The following ECT2L variants were observed in gnomAD, a reference collection of about 807,000 sequenced individuals.
ECT2L encodes the protein epithelial cell transforming 2 like, also known as epithelial cell-transforming sequence 2 oncogene-like.
In ECT2L, 126 loss-of-function variants were observed where a neutral mutation model predicts 122.8. That is an observed-to-expected ratio of 1.03 (90% CI 0.89 to 1.19). The LOEUF (loss-of-function observed/expected upper bound fraction) is 1.19, where lower values mean the gene tolerates loss of function less well. Ranked by LOEUF, ECT2L falls within the 50% of genes most tolerant of loss-of-function variation. The pLI is 0.00. For missense variants in ECT2L, 1,012 were observed against 1,064.1 expected, an observed-to-expected ratio of 0.95 and a Z score of 0.68; for synonymous variants, 385 against 381.8, an observed-to-expected ratio of 1.01 and a Z score of -0.10.
At chr6:138,818,804 A>C (rs1261007427) in intron 4 of ECT2L, among the ~76,000 whole-genome samples, 1 of 152,086 alleles carries the variant, frequency 6.6e-6, no homozygotes, top group Non-Finnish European at 1.5e-5. Context: ...CTCGCTGATG[A>C]CAGGCCAGGG....
chr6:138,850,740 G>A (rs183870003), intron 9 of ECT2L, among the ~76,000 whole-genome samples: 151 of 151,992 alleles, frequency 9.9e-4, no homozygotes, highest in African/African-American at 3.4e-3. Flanking sequence ...AGTGGCTCAC[G>A]CCTATAATCC....
At chr6:138,835,721 A>G (rs148322527) in intron 4 of ECT2L, among the ~76,000 whole-genome samples, 1 of 152,132 alleles carries the variant, frequency 6.6e-6, no homozygotes, top group East Asian at 1.9e-4. Flanking sequence ...ATCAAAGTAC[A>G]TCCAGCATTA....
At chr6:138,897,717 G>A (rs1312798910) in intron 20 of ECT2L, among the ~76,000 whole-genome samples, 2 of 152,130 alleles carry the variant, frequency 1.3e-5, no homozygotes, top group African/African-American at 4.8e-5. Context: ...ACCTCATTGT[G>A]TGTTTCTTTC....
At chr6:138,843,416 T>C (rs954157095) in intron 6 of ECT2L, among the ~76,000 whole-genome samples, 185 bp downstream of exon 6, 2 of 152,146 alleles carry the variant, frequency 1.3e-5, no homozygotes, top group African/African-American at 4.8e-5. Flanking sequence ...AAAACAAAGA[T>C]TTCAGACAAA....
chr6:138,887,975 T>A (rs1293961150), intron 19 of ECT2L, among the ~76,000 whole-genome samples: 2 of 152,238 alleles, frequency 1.3e-5, no homozygotes, highest in East Asian at 3.8e-4. Flanking sequence ...AGCTCCATCA[T>A]GTGTGAGCTA....
intron 18 of ECT2L, among the ~76,000 whole-genome samples, chr6:138,886,034 G>GT (rs1006014413): frequency 9.2e-5 from 14 of 151,816 alleles, no homozygotes; most frequent in Non-Finnish European, 1.9e-4. Flanking sequence ...ATGAGACAAT[G>GT]TTTTCAGATA....
At chr6:138,848,328 G>C (rs145761075) in intron 8 of ECT2L, among the ~76,000 whole-genome samples, 7 of 152,224 alleles carry the variant, frequency 4.6e-5, no homozygotes, top group Non-Finnish European at 1.0e-4. Context: ...TTCCCAAATA[G>C]TATTATGTAA....
At chr6:138,844,712 A>G in intron 7 of ECT2L, 132 bp downstream of exon 7, 1 of 806,860 alleles carries the variant, frequency 1.2e-6, no homozygotes, top group African/African-American at 1.7e-5. Flanking sequence ...ATCAGTAAAG[A>G]TAATTAATTT....
At position 138,903,486 on chromosome 6, in the gene ECT2L, TA is replaced by T. The variant is rs1779477969; in HGVS notation, c.*864del. The stretch of plus-strand genomic sequence containing the variant: ...TTAAAGATATACCACTACAAAGTAC[TA>T]AAAAGTTTTCTATAATTTTTAAGTG... On this transcript the variant is annotated 3_prime_UTR_variant, in exon 22 of 22. Transcript: ENST00000541398. 6.6e-6 allele frequency: 1 copy of T among 152,206 alleles called. No individual in the cohort carries two copies. Among genetic ancestry groups the T allele is most frequent in the African/African-American group, 2.4e-5 (1 of 41,462 alleles). The allele number at this position is 152,206 out of a possible 1,614,324, so 9.4% of individuals were successfully genotyped here.
At chr6:138,872,575 A>T (rs1222894410) in intron 13 of ECT2L, among the ~76,000 whole-genome samples, 9 of 152,214 alleles carry the variant, frequency 5.9e-5, no homozygotes, top group Middle Eastern at 6.8e-3. Flanking sequence ...ATTCTTGGAG[A>T]TTATTCTCCC....
chr6:138,846,258 T>G (rs759203864), intron 7 of ECT2L, among the ~76,000 whole-genome samples: 5 of 152,156 alleles, frequency 3.3e-5, no homozygotes, highest in African/African-American at 4.8e-5. Flanking sequence ...CCCAAATATG[T>G]CATTACCTTC....
intron 14 of ECT2L, among the ~76,000 whole-genome samples, chr6:138,877,044 T>G (rs1193225142): frequency 3.3e-5 from 5 of 152,208 alleles, no homozygotes; most frequent in African/African-American, 1.2e-4. Flanking sequence ...CACTGTTTTG[T>G]TTTCTTCAAC....
intron 5 of ECT2L, among the ~76,000 whole-genome samples, chr6:138,841,757 T>C (rs535778481): frequency 6.6e-6 from 1 of 152,370 alleles, no homozygotes; most frequent in East Asian, 1.9e-4. Flanking sequence ...GGGGTCTTGG[T>C]TGAACAAGTC....
chr6:138,857,672 CACCTCAGTG>C (rs141027248), intron 10 of ECT2L, among the ~76,000 whole-genome samples: 2,599 of 152,258 alleles, frequency 0.017, 79 homozygotes, highest in African/African-American at 0.059. Flanking sequence ...TGTTTCCTCC[CACCTCAGTG>C]CCCTCTTCTC....
At chr6:138,897,977 C>T (rs721795) in intron 20 of ECT2L, among the ~76,000 whole-genome samples, 13,390 of 152,004 alleles carry the variant, frequency 0.088, 1,238 homozygotes, top group African/African-American at 0.23. Flanking sequence ...CCTGATAATT[C>T]GGATACAGCA....
chr6:138,849,941 A>G (rs551636036), intron 9 of ECT2L, among the ~76,000 whole-genome samples: 3 of 114,338 alleles, frequency 2.6e-5, no homozygotes, highest in Non-Finnish European at 6.3e-5. Flanking sequence ...TGTGCAGTTC[A>G]GTATTGTTTG....
At chr6:138,864,883 C>A in intron 11 of ECT2L, 113 bp from the exon 12 acceptor site, 1 of 992,016 alleles carries the variant, frequency 1.0e-6, no homozygotes, top group South Asian at 2.0e-5. Context: ...TAATGAGAAA[C>A]GATAATAAAC....
intron 4 of ECT2L, among the ~76,000 whole-genome samples, chr6:138,826,896 G>T (rs1009351532): frequency 3.3e-5 from 5 of 152,018 alleles, no homozygotes; most frequent in Non-Finnish European, 5.9e-5. Context: ...TCACTCTCTT[G>T]CTCCTGCTTT....
intron 1 of ECT2L, among the ~76,000 whole-genome samples, chr6:138,800,163 T>C (rs1775493448): frequency 6.6e-6 from 1 of 152,176 alleles, no homozygotes; most frequent in Non-Finnish European, 1.5e-5. Context: ...CAGAGCGAGA[T>C]AACAAAGGGG....
Sources: gnomAD v4.1 joint callset for allele counts (sites outside exome capture counted in the v4.1 genomes callset) on GRCh38, gnomAD v4.1.1 for gene constraint, MANE v1.5 for transcripts, NCBI Gene and HGNC (gene_info 2026-07-23, HGNC 2026-07-21) for gene names.